The following NFIC variants were observed in gnomAD, a reference collection of about 807,000 sequenced individuals.
NFIC encodes nuclear factor I C.
A neutral mutation model predicts 54.4 loss-of-function variants in NFIC; 12 were observed. The observed-to-expected ratio is 0.22, with a 90% CI of 0.14 to 0.36. The LOEUF (loss-of-function observed/expected upper bound fraction) is 0.36, where lower values mean the gene tolerates loss of function less well. Among genes scored for constraint, NFIC ranks in the 10% least tolerant of loss-of-function variants. The pLI, the probability that NFIC is intolerant of heterozygous loss-of-function variation, is 1.00. For synonymous variants in NFIC, 322 were observed against 319.2 expected (o/e 1.01, Z -0.09); for missense variants, 575 against 718.2 (o/e 0.80, Z 2.28).
chr19:3,456,484 G>C (rs76781908), intron 9 of NFIC, 66 bp from the exon 10 acceptor site: 30,723 of 1,502,738 alleles, frequency 0.02, 406 homozygotes, highest in Non-Finnish European at 0.023. Flanking sequence ...CCCTCTCTGG[G>C]GCCAGGGCCG....
intron 6 of NFIC, among the ~76,000 whole-genome samples, chr19:3,436,360 G>A (rs1388955519): frequency 8.1e-6 from 1 of 123,254 alleles, no homozygotes; most frequent in Non-Finnish European, 1.6e-5. Context: ...GTCTCACTAT[G>A]TTGCCTAAGC....
At position 3,463,568 on chromosome 19, in the gene NFIC, A is replaced by G; in HGVS notation, c.*799A>G. ...TCGCTGTCTCGCTGGGGACTCTTTC[A>G]GCCCTCGCGCCCGCCCGTTTGGGAG... On this transcript the variant is annotated 3_prime_UTR_variant, in exon 11 of 11. Transcript: ENST00000443272. The G allele has an allele frequency of 1.0e-6, 1 of 984,580 alleles. No individual in the cohort carries two copies. Among genetic ancestry groups the G allele is most frequent in the Non-Finnish European group, 1.2e-6 (1 of 829,690 alleles). 61.0% of individuals were successfully genotyped at this position (984,580 alleles called of 1,614,324 possible).
chr19:3,415,631 C>T (rs2081841653), intron 2 of NFIC, among the ~76,000 whole-genome samples: 1 of 152,034 alleles, frequency 6.6e-6, no homozygotes, highest in South Asian at 2.1e-4. Context: ...CCCCTGTAGC[C>T]CCCCAACCCC....
chr19:3,432,654 G>C (rs950319736), intron 3 of NFIC, among the ~76,000 whole-genome samples: 2 of 150,558 alleles, frequency 1.3e-5, no homozygotes, highest in Non-Finnish European at 2.9e-5. Flanking sequence ...GTGAGCCCAG[G>C]CCTCCGCTTT....
At chr19:3,441,361 T>C (rs1409012608) in intron 6 of NFIC, among the ~76,000 whole-genome samples, 1 of 152,230 alleles carries the variant, frequency 6.6e-6, no homozygotes, top group Admixed American at 6.5e-5. Flanking sequence ...GCCGGGTTAT[T>C]TCCCCTCCCG....
At chr19:3,383,629 G>A (rs1006565368) in intron 2 of NFIC, among the ~76,000 whole-genome samples, 24 of 152,162 alleles carry the variant, frequency 1.6e-4, no homozygotes, top group African/African-American at 5.6e-4. Flanking sequence ...ACCTGAGTGG[G>A]TGCACAGCAC....
upstream of NFIC, among the ~76,000 whole-genome samples, chr19:3,362,108 G>C (rs2080819414): frequency 6.6e-6 from 1 of 152,222 alleles, no homozygotes; most frequent in Non-Finnish European, 1.5e-5. Flanking sequence ...CCAGCTCCAG[G>C]CAGAGCTGGT....
Position 3,464,801 on chromosome 19 carries a change from G to A in NFIC, c.*2032G>A, listed in dbSNP as rs1237025437. 9.0e-6 allele frequency: 7 copies of A among 777,456 alleles called. No individual in the cohort carries two copies. The highest frequency in any genetic ancestry group is 1.3e-4 in the East Asian group (1 of 7,578). The allele number at this position is 777,456 out of a possible 1,614,324, so 48.2% of individuals were successfully genotyped here. A position where few individuals can be genotyped will look rare whatever the true frequency, so the allele number is the denominator to read the frequency against. ...CTGGCCTCGAGCCCTTGGTCCCTCC[G>A]TCCGTCTGTCCTCGGGGCCCGCTCC... is the stretch of plus-strand genomic sequence containing the variant. On this transcript the variant is annotated 3_prime_UTR_variant, in exon 11 of 11. Transcript: ENST00000443272.
rs1278859790 is a variant in NFIC, at chr19:3,369,196, GTC to G, written c.30+2534_30+2535del. On this transcript the variant is annotated intron_variant, in intron 1 of 10. Transcript: ENST00000443272. This position sits in a 1 kb window ranked among gnomAD's most constrained non-coding sequence, Gnocchi z 4.3. ...CCTTCTTTGTGTGTCTGTCCGATGT[GTC>G]TCTGTCTGTTTCTCTGTCTCTGTCT... Among the ~76,000 whole-genome samples the G allele has an allele frequency of 1.3e-5, 2 of 151,536 alleles. No individual in the cohort carries two copies. Among genetic ancestry groups the G allele is most frequent in the African/African-American group, 2.4e-5 (1 of 41,170 alleles).
Position 3,463,672 on chromosome 19 carries a change from C to T in NFIC, c.*903C>T. The T allele has an allele frequency of 1.0e-6, 1 of 982,454 alleles. No individual in the cohort carries two copies. Among genetic ancestry groups the T allele is most frequent in the Non-Finnish European group, 1.2e-6 (1 of 828,538 alleles). 60.9% of individuals were successfully genotyped at this position (982,454 alleles called of 1,614,324 possible). A position where few individuals can be genotyped will look rare whatever the true frequency, so the allele number is the denominator to read the frequency against. On this transcript the variant is annotated 3_prime_UTR_variant, in exon 11 of 11. Coordinates refer to ENST00000443272, the MANE Select transcript of NFIC (RefSeq NM_001245002.2). ...GGAGGCCCCCCCACCTCGCCCGGCT[C>T]ACACCCCCAAAGGGAGGGACCCACA...
At chr19:3,440,902 G>A (rs544437332) in intron 6 of NFIC, among the ~76,000 whole-genome samples, 2 of 152,264 alleles carry the variant, frequency 1.3e-5, no homozygotes, top group Admixed American at 6.5e-5. Context: ...TGCGATCAGC[G>A]CCCACTGGGC....
rs2080955645 is a variant in NFIC at position 3,369,312 on chromosome 19, T to C, written c.30+2646T>C. 1.3e-5 allele frequency among the ~76,000 whole-genome samples: 2 copies of C among 151,394 alleles called. No individual in the cohort carries two copies. The highest frequency in any genetic ancestry group is 1.5e-5 in the Non-Finnish European group (1 of 67,514). ...TCTCACCTTCCCTTTCTCCTCTGTC[T>C]CTGCGTGTCTCCCCTTGCCCCCTCT... On this transcript the variant is annotated intron_variant, in intron 1 of 10. Coordinates refer to ENST00000443272, the MANE Select transcript of NFIC (RefSeq NM_001245002.2). The surrounding 1 kb of genome is among the most constrained non-coding windows in gnomAD (Gnocchi z 4.3).
At chr19:3,443,455 C>A (rs1280126679) in intron 6 of NFIC, among the ~76,000 whole-genome samples, 1 of 151,974 alleles carries the variant, frequency 6.6e-6, no homozygotes, top group African/African-American at 2.4e-5. Flanking sequence ...AAAAGTCTGC[C>A]CCCTGCTCAC....
At position 3,463,861 on chromosome 19, in the gene NFIC, C is replaced by G; in HGVS notation, c.*1092C>G. 1.0e-6 allele frequency: 1 copy of G among 983,984 alleles called. No individual in the cohort carries two copies. Among genetic ancestry groups the G allele is most frequent in the Non-Finnish European group, 1.2e-6 (1 of 829,134 alleles). The allele number at this position is 983,984 out of a possible 1,614,324, so 61.0% of individuals were successfully genotyped here. On this transcript the variant is annotated 3_prime_UTR_variant, in exon 11 of 11. Coordinates refer to ENST00000443272, the MANE Select transcript of NFIC (RefSeq NM_001245002.2). ...AGTGCCTGATTACCACCACCCGCCC[C>G]CCCCTTTGTCCAGCTGGGACACGGA...
chr19:3,373,253 AT>A (rs1200055913), intron 1 of NFIC, among the ~76,000 whole-genome samples: 2 of 152,060 alleles, frequency 1.3e-5, no homozygotes, highest in Non-Finnish European at 2.9e-5. Context: ...CTCAGCCCTC[AT>A]TGTCCTCCCA....
intron 6 of NFIC, among the ~76,000 whole-genome samples, chr19:3,439,494 T>C (rs2082258924): frequency 6.7e-6 from 1 of 149,186 alleles, no homozygotes; most frequent in South Asian, 2.1e-4. Context: ...AACACAAAAT[T>C]AGCCGGGTGT....
upstream of NFIC, among the ~76,000 whole-genome samples, chr19:3,364,680 C>T (rs1437605904): frequency 6.6e-6 from 1 of 152,202 alleles, no homozygotes; most frequent in East Asian, 1.9e-4. Flanking sequence ...GAGGGGCAGT[C>T]TCTGCTCTCT....
intron 3 of NFIC, among the ~76,000 whole-genome samples, chr19:3,429,250 ATATACACAC>A (rs1568443785): frequency 2.0e-4 from 9 of 45,668 alleles, no homozygotes; most frequent in African/African-American, 5.8e-4. Context: ...AAAAAAAAAT[ATATACACAC>A]ACACACACAC....
At chr19:3,427,291 T>C (rs1015852152) in intron 3 of NFIC, among the ~76,000 whole-genome samples, 1 of 152,052 alleles carries the variant, frequency 6.6e-6, no homozygotes, top group East Asian at 1.9e-4. Flanking sequence ...TGCCTATGGA[T>C]TTGCTTAGTT....
Sources: gnomAD v4.1 joint callset for allele counts (sites outside exome capture counted in the v4.1 genomes callset) on GRCh38, gnomAD v4.1.1 for gene constraint, Gnocchi (gnomAD v3.1) non-coding constraint, MANE v1.5 for transcripts, NCBI Gene and HGNC (gene_info 2026-07-23, HGNC 2026-07-21) for gene names.